PTPRK: variants seen among roughly 807,000 people sequenced by gnomAD.
PTPRK encodes receptor-type tyrosine-protein phosphatase kappa.
PTPRK carries 75 observed loss-of-function variants against 178.0 expected under a neutral mutation model. That is an observed-to-expected ratio of 0.42 (90% confidence interval 0.35 to 0.51). The LOEUF is 0.51. PTPRK is among the 20% of genes least tolerant of loss of function. The probability of loss-of-function intolerance (pLI) is 0.02; values close to 1 mark genes in which losing one functional copy is unlikely to be tolerated. For synonymous variants in PTPRK, 637 were observed against 620.6 expected, an observed-to-expected ratio of 1.03 and a Z score of -0.39; for missense variants, 1,441 against 1,797.8, an observed-to-expected ratio of 0.80 and a Z score of 3.59.
rs1362237329 is a variant in PTPRK, at chr6:128,426,789, G to GT, written c.101-29102dup. ...TCTCTACATAAGGTCGACTTACAAA[G>GT]TTTTTTTTCTTGATTTGCCTGAAAT... On this transcript the variant is annotated intron_variant, in intron 1 of 29. Coordinates refer to ENST00000368226, the MANE Select transcript of PTPRK (RefSeq NM_002844.4). 5.9e-5 allele frequency among the ~76,000 whole-genome samples: 9 copies of GT among 152,076 alleles called. No homozygotes were observed. In the South Asian group the frequency reaches 1.7e-3, roughly 28 times the overall value.
intron 1 of PTPRK, among the ~76,000 whole-genome samples, chr6:128,463,117 A>G (rs1849295178): frequency 6.6e-6 from 1 of 152,222 alleles, no homozygotes; most frequent in Non-Finnish European, 1.5e-5. Flanking sequence ...TGTCCTCAAT[A>G]AACATATCAC....
chr6:128,487,266 G>C (rs1269706500), intron 1 of PTPRK, among the ~76,000 whole-genome samples: 1 of 149,652 alleles, frequency 6.7e-6, no homozygotes, highest in East Asian at 2.0e-4. Flanking sequence ...GATAAAAGAA[G>C]GCAGGACACC....
Position 128,127,254 on chromosome 6 carries a change from C to T in PTPRK, c.1163-37262G>A, listed in dbSNP as rs76456528. ...AACTTTTTGTTTTCCTTCTTCAGTA[C>T]GACTATGTTTGCTATTATAGGTCTT... On this transcript the variant is annotated intron_variant, in intron 7 of 29. Transcript: ENST00000368226. Among the ~76,000 whole-genome samples the T allele has an allele frequency of 4.1e-3, 619 of 152,136 alleles. 2 individuals are homozygous for T. Among genetic ancestry groups the T allele is most frequent in the African/African-American group, 0.014 (588 of 41,516 alleles).
At chr6:128,294,248 A>G (rs17055581) in intron 3 of PTPRK, among the ~76,000 whole-genome samples, 8,024 of 152,142 alleles carry the variant, frequency 0.053, 709 homozygotes, top group African/African-American at 0.18. Flanking sequence ...AGATTATTTT[A>G]TTATTCCTAA....
intron 25 of PTPRK, among the ~76,000 whole-genome samples, chr6:127,980,656 T>C (rs1365263635): frequency 1.3e-5 from 2 of 152,206 alleles, no homozygotes; most frequent in Non-Finnish European, 2.9e-5. Context: ...TCTAGTTACT[T>C]ATAATAGTCC....
At chr6:128,389,144 A>G (rs1195376113) in intron 2 of PTPRK, among the ~76,000 whole-genome samples, 2 of 152,126 alleles carry the variant, frequency 1.3e-5, no homozygotes, top group Non-Finnish European at 2.9e-5. Flanking sequence ...TTCACTTTTC[A>G]TTGAAAAATA....
At chr6:128,016,466 T>C (rs1010319541) in intron 13 of PTPRK, among the ~76,000 whole-genome samples, 2 of 151,946 alleles carry the variant, frequency 1.3e-5, no homozygotes, top group Non-Finnish European at 2.9e-5. Context: ...GAGGGTCTTA[T>C]GATCTGCTTC....
chr6:128,503,143 T>C (rs913893199), intron 1 of PTPRK, among the ~76,000 whole-genome samples: 1 of 152,182 alleles, frequency 6.6e-6, no homozygotes, highest in Admixed American at 6.5e-5. Context: ...GGAGAATCAC[T>C]TGAAGCCAGG....
At chr6:128,139,810 T>G (rs75988669) in intron 7 of PTPRK, among the ~76,000 whole-genome samples, 2 of 152,170 alleles carry the variant, frequency 1.3e-5, no homozygotes, top group African/African-American at 2.4e-5. Flanking sequence ...CCAATCTAAA[T>G]GCTGTCAGAT....
At chr6:128,408,295 G>A (rs1244799593) in intron 1 of PTPRK, among the ~76,000 whole-genome samples, 4 of 152,178 alleles carry the variant, frequency 2.6e-5, no homozygotes, top group Non-Finnish European at 5.9e-5. Context: ...GGCTGAGGCA[G>A]GAGAATAGCT....
At chr6:128,112,335 T>C (rs1003474157) in intron 7 of PTPRK, among the ~76,000 whole-genome samples, 8 of 152,110 alleles carry the variant, frequency 5.3e-5, no homozygotes, top group African/African-American at 1.4e-4. Context: ...CTAGTACATA[T>C]GATACAGTTT....
chr6:128,459,143 T>C (rs1328750170), intron 1 of PTPRK, among the ~76,000 whole-genome samples: 1 of 152,086 alleles, frequency 6.6e-6, no homozygotes, highest in East Asian at 1.9e-4. Context: ...GGAAAATGAG[T>C]AGGATAAATT....
intron 3 of PTPRK, chr6:128,321,483 C>T (rs1463786591): frequency 7.0e-6 from 2 of 285,154 alleles, no homozygotes; most frequent in East Asian, 9.6e-5. Flanking sequence ...TTGTGAATAA[C>T]TTATCCTTTT....
At chr6:128,464,861 C>CA (rs1288457622) in intron 1 of PTPRK, among the ~76,000 whole-genome samples, 10 of 145,766 alleles carry the variant, frequency 6.9e-5, no homozygotes, top group East Asian at 5.9e-4. Flanking sequence ...AATAACAACA[C>CA]AAAAAAAACA....
intron 24 of PTPRK, among the ~76,000 whole-genome samples, chr6:127,981,935 G>GT (rs1244772513): frequency 1.3e-5 from 2 of 151,912 alleles, no homozygotes; most frequent in Non-Finnish European, 1.5e-5. Context: ...AAACTTCCAG[G>GT]GTCAAGCAAT....
intron 3 of PTPRK, among the ~76,000 whole-genome samples, chr6:128,294,639 TAGAC>T (rs1823961808): frequency 6.6e-6 from 1 of 152,076 alleles, no homozygotes; most frequent in Admixed American, 6.6e-5. Flanking sequence ...ATCATTTTGG[TAGAC>T]AGAGGGTATA....
At chr6:128,402,867 A>G (rs766723730) in intron 1 of PTPRK, among the ~76,000 whole-genome samples, 1 of 152,216 alleles carries the variant, frequency 6.6e-6, no homozygotes, top group Non-Finnish European at 1.5e-5. Context: ...AGGATCTACT[A>G]GAAGAAAACA....
At chr6:128,371,975 C>G (rs1836365813) in intron 2 of PTPRK, among the ~76,000 whole-genome samples, 1 of 151,972 alleles carries the variant, frequency 6.6e-6, no homozygotes, top group African/African-American at 2.4e-5. Flanking sequence ...GCTATAAATT[C>G]AATGGCATTT....
chr6:127,986,366 G>C (rs1477743480), intron 21 of PTPRK, among the ~76,000 whole-genome samples: 1 of 152,132 alleles, frequency 6.6e-6, no homozygotes, highest in East Asian at 1.9e-4. Flanking sequence ...CCAGGACAGT[G>C]CTGCTCTAGA....
Sources: gnomAD v4.1 joint callset for allele counts (sites outside exome capture counted in the v4.1 genomes callset) on GRCh38, gnomAD v4.1.1 for gene constraint, MANE v1.5 for transcripts, NCBI Gene and HGNC (gene_info 2026-07-23, HGNC 2026-07-21) for gene names.